Variants in PDE4B observed in about 807,000 individuals in gnomAD.
PDE4B encodes 3',5'-cyclic-AMP phosphodiesterase 4B.
In PDE4B, 20 loss-of-function variants were observed where a neutral mutation model predicts 82.2. That is an observed-to-expected ratio of 0.24 (90% CI 0.17 to 0.35). PDE4B has a LOEUF of 0.35. Ranked by LOEUF, PDE4B falls within the 10% of genes least tolerant of loss-of-function variation. PDE4B has a pLI of 1.00. For synonymous variants in PDE4B, 320 were observed against 318.9 expected (o/e 1.00, Z -0.04); for missense variants, 655 against 907.2 (o/e 0.72, Z 3.57).
At chr1:66,113,199 C>G (rs1280794334) in intron 3 of PDE4B, among the ~76,000 whole-genome samples, 1 of 152,180 alleles carries the variant, frequency 6.6e-6, no homozygotes. Flanking sequence ...CTGGGCTGCT[C>G]CAGATGTCCT....
chr1:66,014,383 C>A (rs967521103), intron 3 of PDE4B, among the ~76,000 whole-genome samples: 4 of 152,018 alleles, frequency 2.6e-5, no homozygotes, highest in Admixed American at 6.6e-5. Flanking sequence ...TGTCATGAAC[C>A]TTTTCCCCTA....
intron 3 of PDE4B, among the ~76,000 whole-genome samples, chr1:65,945,488 C>A (rs1343019447): frequency 1.3e-5 from 2 of 152,074 alleles, no homozygotes; most frequent in Non-Finnish European, 2.9e-5. Context: ...TAAACATAAC[C>A]TTTCCCTGGG....
chr1:66,136,827 G>A (rs1410971271), intron 3 of PDE4B, among the ~76,000 whole-genome samples: 1 of 151,806 alleles, frequency 6.6e-6, no homozygotes, highest in Non-Finnish European at 1.5e-5. Flanking sequence ...CAGAGACAGA[G>A]AAGCAATGGT....
At chr1:65,826,300 G>A (rs1292964499) in intron 1 of PDE4B, among the ~76,000 whole-genome samples, 1 of 152,072 alleles carries the variant, frequency 6.6e-6, no homozygotes, top group Non-Finnish European at 1.5e-5. Flanking sequence ...ATAAATATGG[G>A]ACTTTTTATT....
chr1:66,058,173 T>C (rs2100886054), intron 3 of PDE4B, among the ~76,000 whole-genome samples: 1 of 152,236 alleles, frequency 6.6e-6, no homozygotes, highest in African/African-American at 2.4e-5. Context: ...ATCTTAAAGC[T>C]CCCAAATGAT....
chr1:66,134,687 C>T (rs180701702), intron 3 of PDE4B, among the ~76,000 whole-genome samples: 11 of 152,238 alleles, frequency 7.2e-5, no homozygotes, highest in Admixed American at 2.6e-4. Context: ...ATCTAATGCA[C>T]GATTTTGTTC....
At chr1:66,273,313 G>A (rs1655644317) in intron 7 of PDE4B, among the ~76,000 whole-genome samples, 1 of 152,136 alleles carries the variant, frequency 6.6e-6, no homozygotes, top group East Asian at 1.9e-4. Flanking sequence ...TCTTCTACCT[G>A]GTTGCCTTTT....
chr1:65,816,176 G>T (rs1645881148), intron 1 of PDE4B, among the ~76,000 whole-genome samples: 1 of 137,906 alleles, frequency 7.3e-6, no homozygotes, highest in Admixed American at 7.4e-5. Flanking sequence ...TCTGTTTTTA[G>T]TGATTATTAA....
At chr1:66,180,988 T>C (rs1647051934) in intron 3 of PDE4B, among the ~76,000 whole-genome samples, 1 of 152,194 alleles carries the variant, frequency 6.6e-6, no homozygotes, top group Admixed American at 6.5e-5. Context: ...ATTATTACTG[T>C]GCATATGCAG....
chr1:65,914,623 T>C (rs1321499503), intron 2 of PDE4B, among the ~76,000 whole-genome samples: 1 of 150,340 alleles, frequency 6.7e-6, no homozygotes, highest in Admixed American at 6.6e-5. Flanking sequence ...AAAAAAGGCT[T>C]GTGATTGTCC....
chr1:66,327,097 G>A (rs539926534), intron 7 of PDE4B, among the ~76,000 whole-genome samples: 162 of 152,206 alleles, frequency 1.1e-3, no homozygotes, highest in Non-Finnish European at 1.6e-3. Context: ...GCTATTTGTG[G>A]CCAGGCAGAG....
chr1:66,017,831 T>TA (rs1334722476), intron 3 of PDE4B, among the ~76,000 whole-genome samples: 7 of 148,910 alleles, frequency 4.7e-5, no homozygotes, highest in Admixed American at 2.8e-4. Flanking sequence ...AGTGAGATTT[T>TA]TAAAAAATAT....
intron 3 of PDE4B, among the ~76,000 whole-genome samples, chr1:66,160,530 C>G (rs1344894880): frequency 1.3e-5 from 2 of 152,196 alleles, no homozygotes; most frequent in Non-Finnish European, 2.9e-5. Flanking sequence ...ACCTTCTGCT[C>G]TGTCCAGTGC....
chr1:65,818,085 C>G (rs186110185), intron 1 of PDE4B, among the ~76,000 whole-genome samples: 1 of 152,160 alleles, frequency 6.6e-6, no homozygotes, highest in Non-Finnish European at 1.5e-5. Context: ...CCTTCAGCAG[C>G]CTTCTAATTA....
chr1:65,990,241 G>A (rs1266585636), intron 3 of PDE4B, among the ~76,000 whole-genome samples: 1 of 152,092 alleles, frequency 6.6e-6, no homozygotes, highest in Non-Finnish European at 1.5e-5. Flanking sequence ...TTGCACTATT[G>A]TACTGCTTTA....
intron 7 of PDE4B, among the ~76,000 whole-genome samples, chr1:66,321,787 A>G (rs1659421373): frequency 6.6e-6 from 1 of 152,210 alleles, no homozygotes; most frequent in African/African-American, 2.4e-5. Context: ...CCATCAAGCT[A>G]CCACTGACTT....
At chr1:65,939,234 G>GA (rs1414920915) in intron 3 of PDE4B, among the ~76,000 whole-genome samples, 2 of 152,092 alleles carry the variant, frequency 1.3e-5, no homozygotes, top group Admixed American at 1.3e-4. Flanking sequence ...TGACTACCCA[G>GA]AAAATAGACT....
chr1:66,252,539 G>A (rs1475646810), intron 4 of PDE4B, among the ~76,000 whole-genome samples: 1 of 152,204 alleles, frequency 6.6e-6, no homozygotes, highest in Admixed American at 6.5e-5. Context: ...ATAATAAAGT[G>A]TTCGATATCT....
At chr1:66,290,381 C>T (rs1656980472) in intron 7 of PDE4B, among the ~76,000 whole-genome samples, 2 of 152,148 alleles carry the variant, frequency 1.3e-5, no homozygotes, top group Non-Finnish European at 2.9e-5. Context: ...TTTATTAACT[C>T]AATCCTCTTA....
Sources: allele counts gnomAD v4.1 joint callset (sites outside exome capture counted in the v4.1 genomes callset), GRCh38; gene constraint gnomAD v4.1.1; transcripts MANE v1.5; gene names NCBI Gene and HGNC (gene_info 2026-07-23, HGNC 2026-07-21).